CNTNAP3B: variants seen among roughly 807,000 people sequenced by gnomAD.
The protein encoded by CNTNAP3B is contactin-associated protein-like 3B.
CNTNAP3B carries 25 observed loss-of-function variants against 108.9 expected under a neutral mutation model. The observed-to-expected ratio is 0.23, with a 90% CI of 0.17 to 0.32. The LOEUF (loss-of-function observed/expected upper bound fraction) is 0.32, where lower values mean the gene tolerates loss of function less well. Among genes scored for constraint, CNTNAP3B ranks in the 10% least tolerant of loss-of-function variants. The probability of loss-of-function intolerance (pLI) is 1.00; values close to 1 mark genes in which losing one functional copy is unlikely to be tolerated. For synonymous variants in CNTNAP3B, 103 were observed against 473.4 expected (o/e 0.22, Z 10.16); for missense variants, 252 against 1,210.4 (o/e 0.21, Z 11.75).
chr9:41,925,608 A>G (rs1317481374), intron 15 of CNTNAP3B, among the ~76,000 whole-genome samples: 1 of 152,200 alleles, frequency 6.6e-6, no homozygotes, highest in Non-Finnish European at 1.5e-5. Context: ...CAAACAAACA[A>G]ACAAACCAAG....
rs550530894 is a variant in CNTNAP3B at position 42,053,941 on chromosome 9, C to T, written c.390+22928G>A. Among the ~76,000 whole-genome samples, 688 of 151,402 alleles carry T rather than the reference C, an allele frequency of 4.5e-3. 1 individual carries two copies. Among genetic ancestry groups the T allele is most frequent in the African/African-American group, 0.016 (653 of 40,836 alleles). ...TGGCAGACTTGTATTGATGCATTTT[C>T]CCCTTCCAAATGGATCCCCTGTGAG... On this transcript the variant is annotated intron_variant, in intron 3 of 23. Coordinates refer to ENST00000377561, the MANE Select transcript of CNTNAP3B (RefSeq NM_001201380.3).
intron 12 of CNTNAP3B, among the ~76,000 whole-genome samples, chr9:41,954,686 A>C (rs1291834173): frequency 6.6e-6 from 1 of 152,190 alleles, no homozygotes; most frequent in Admixed American, 6.5e-5. Flanking sequence ...TTTTTTATTT[A>C]ACTTATTTAT....
At chr9:42,094,371 G>A (rs1827857695) in intron 2 of CNTNAP3B, among the ~76,000 whole-genome samples, 1 of 132,836 alleles carries the variant, frequency 7.5e-6, no homozygotes, top group Non-Finnish European at 1.6e-5. Context: ...AAAGAGGGCG[G>A]GGGCTGGGTA....
chr9:41,969,080 G>A (rs1409593229), intron 10 of CNTNAP3B, among the ~76,000 whole-genome samples: 49 of 152,410 alleles, frequency 3.2e-4, no homozygotes, highest in Non-Finnish European at 6.0e-4. Flanking sequence ...ACAGGCGTGA[G>A]CCACCACGCT....
chr9:41,972,977 A>C (rs1303830554), intron 9 of CNTNAP3B, among the ~76,000 whole-genome samples: 1 of 91,918 alleles, frequency 1.1e-5, no homozygotes, highest in Non-Finnish European at 2.0e-5. Flanking sequence ...TCATGCTGTC[A>C]CCCAGGCTGC....
Position 41,944,270 on chromosome 9 carries a change from A to C in CNTNAP3B, c.2081-5870T>G, listed in dbSNP as rs1340415092. Among the ~76,000 whole-genome samples the C allele has an allele frequency of 5.6e-4, 83 of 148,630 alleles. No individual in the cohort carries two copies. The East Asian group carries it at 0.014, about 25-fold the overall frequency. On this transcript the variant is annotated intron_variant, in intron 13 of 23. Transcript: ENST00000377561. ...GAAAGGTAGGAGCATTAGAGAAGAA[A>C]AAAATTAAAATAAAATCTAGTGTCT...
intron 9 of CNTNAP3B, chr9:41,983,873 AC>A (rs1236375471): frequency 1.1e-5 from 1 of 91,414 alleles, no homozygotes. Context: ...CATGGTGAAA[AC>A]CCCGTCTCTA....
intron 13 of CNTNAP3B, among the ~76,000 whole-genome samples, chr9:41,951,894 C>T (rs1234978590): frequency 6.6e-6 from 1 of 152,212 alleles, no homozygotes; most frequent in Non-Finnish European, 1.5e-5. Context: ...CTGACCAACA[C>T]GGTGAAACCC....
chr9:41,947,180 A>G (rs1419580662), intron 13 of CNTNAP3B, among the ~76,000 whole-genome samples: 1 of 149,696 alleles, frequency 6.7e-6, no homozygotes, highest in East Asian at 2.0e-4. Flanking sequence ...AAATACATAC[A>G]GAATACTCCA....
intron 17 of CNTNAP3B, among the ~76,000 whole-genome samples, chr9:41,922,388 C>G (rs1382305112): frequency 7.2e-6 from 1 of 139,740 alleles, no homozygotes. Context: ...ATCGCTTGAA[C>G]CCGGCAGGTG....
chr9:41,935,517 A>G (rs1383404863), intron 14 of CNTNAP3B, among the ~76,000 whole-genome samples: 1 of 152,296 alleles, frequency 6.6e-6, no homozygotes, highest in Admixed American at 6.5e-5. Context: ...TATTACAATT[A>G]TAAATCTTTT....
chr9:42,081,608 AT>A lies in CNTNAP3B; in HGVS notation c.197-4547del, dbSNP rs1223367972. On this transcript the variant is annotated intron_variant, in intron 2 of 23. Transcript: ENST00000377561. ...TAATTAAAACACATGGAAAGATATTATTTTTAAAATCAGCTATGTTTCATTT... is the reference window on the plus strand; with the variant it reads ...TAATTAAAACACATGGAAAGATATTATTTTAAAATCAGCTATGTTTCATTT... Among the ~76,000 whole-genome samples the A allele has an allele frequency of 6.5e-3, 711 of 108,558 alleles. 1 individual carries two copies. The highest frequency in any genetic ancestry group is 9.7e-3 in the Admixed American group (103 of 10,600). The allele number at this position is 108,558 out of a possible 152,430, so 71.2% of individuals were successfully genotyped here.
rs1431778499 is a variant in CNTNAP3B at position 42,037,554 on chromosome 9, A to G, written c.391-24029T>C. 3.2e-5 allele frequency among the ~76,000 whole-genome samples: 4 copies of G among 126,056 alleles called. 1 individual carries two copies. Among genetic ancestry groups the G allele is most frequent in the Non-Finnish European group, 6.6e-5 (4 of 60,980 alleles). The allele number at this position is 126,056 out of a possible 152,430, so 82.7% of individuals were successfully genotyped here. A position where few individuals can be genotyped will look rare whatever the true frequency, so the allele number is the denominator to read the frequency against. ...AGTGACTGAAGACCAAATGAATGAA[A>G]TGAAGCAAGAAGAGAAGTTTAGAGA... On this transcript the variant is annotated intron_variant, in intron 3 of 23. Coordinates refer to ENST00000377561, the MANE Select transcript of CNTNAP3B (RefSeq NM_001201380.3).
chr9:42,061,317 CTTTTTTTTTTT>C (rs57755649), intron 3 of CNTNAP3B, among the ~76,000 whole-genome samples: 2 of 93,072 alleles, frequency 2.1e-5, no homozygotes, highest in African/African-American at 9.9e-5. Flanking sequence ...TTTTCTTTTT[CTTTTTTTTTTT>C]TTTTTTTTTT....
At chr9:41,958,451 C>T (rs1346464175) in intron 12 of CNTNAP3B, among the ~76,000 whole-genome samples, 2 of 151,952 alleles carry the variant, frequency 1.3e-5, no homozygotes, top group African/African-American at 4.8e-5. Context: ...TCTTGATAAC[C>T]AGATGTGATG....
At chr9:42,122,294 G>T (rs1267573162) in intron 1 of CNTNAP3B, among the ~76,000 whole-genome samples, 1 of 139,182 alleles carries the variant, frequency 7.2e-6, no homozygotes, top group Admixed American at 7.2e-5. Context: ...GACCATTTGG[G>T]TTCCTTTGTT....
intron 3 of CNTNAP3B, among the ~76,000 whole-genome samples, chr9:42,014,692 G>A (rs1352479896): frequency 2.0e-5 from 1 of 48,928 alleles, no homozygotes; most frequent in Non-Finnish European, 3.8e-5. Context: ...TCAGGAGGCT[G>A]AGGCAGAAGA....
chr9:42,034,167 T>C (rs1826577739), intron 3 of CNTNAP3B, among the ~76,000 whole-genome samples: 1 of 123,476 alleles, frequency 8.1e-6, no homozygotes, highest in Non-Finnish European at 1.7e-5. Context: ...TATTTATCTA[T>C]ATGTATGTAT....
intron 1 of CNTNAP3B, among the ~76,000 whole-genome samples, chr9:42,122,192 A>T (rs1441915714): frequency 1.4e-5 from 2 of 139,984 alleles, no homozygotes; most frequent in African/African-American, 5.6e-5. Flanking sequence ...TTTATATATG[A>T]AGAATAACAA....
Sources: gnomAD v4.1 joint callset for allele counts (sites outside exome capture counted in the v4.1 genomes callset) on GRCh38, gnomAD v4.1.1 for gene constraint, MANE v1.5 for transcripts, NCBI Gene and HGNC (gene_info 2026-07-23, HGNC 2026-07-21) for gene names.